The following TRAPPC9 variants were observed in gnomAD, a reference collection of about 807,000 sequenced individuals.
The protein encoded by TRAPPC9 is trafficking protein particle complex subunit 9, also known as IKK2 binding protein.
TRAPPC9 carries 83 observed loss-of-function variants against 124.0 expected under a neutral mutation model. The observed-to-expected ratio is 0.67, with a 90% CI of 0.56 to 0.80. The LOEUF (loss-of-function observed/expected upper bound fraction) is 0.80, where lower values mean the gene tolerates loss of function less well. Among genes scored for constraint, TRAPPC9 ranks in the 30% least tolerant of loss-of-function variants. The probability of loss-of-function intolerance (pLI) is 0.00; values close to 1 mark genes in which losing one functional copy is unlikely to be tolerated. For synonymous variants in TRAPPC9, 638 were observed against 617.5 expected, an observed-to-expected ratio of 1.03 and a Z score of -0.49; for missense variants, 1,302 against 1,508.3, an observed-to-expected ratio of 0.86 and a Z score of 2.27.
At chr8:139,915,119 C>G (rs1832032956) in intron 19 of TRAPPC9, among the ~76,000 whole-genome samples, 1 of 152,000 alleles carries the variant, frequency 6.6e-6, no homozygotes, top group Non-Finnish European at 1.5e-5. Flanking sequence ...CGGGTGTTGG[C>G]GGGAATGGCC....
At position 139,742,341 on chromosome 8, in the gene TRAPPC9, T is replaced by G. The variant is rs1818619584; in HGVS notation, c.3056-10139A>C. Among the ~76,000 whole-genome samples the G allele has an allele frequency of 6.6e-6, 1 of 152,190 alleles. No individual in the cohort carries two copies. Among genetic ancestry groups the G allele is most frequent in the Non-Finnish European group, 1.5e-5 (1 of 68,036 alleles). ...CGCCCCACCAGCCTGGGACAGCTGT[T>G]TGGAATGGCCCTTCTGTGCAGTCCT... On this transcript the variant is annotated intron_variant, in intron 21 of 22. Coordinates refer to ENST00000438773, the MANE Select transcript of TRAPPC9 (RefSeq NM_001160372.4). This position sits in a 1 kb window ranked among gnomAD's most constrained non-coding sequence, Gnocchi z 4.7.
chr8:139,863,219 C>T (rs1828287177), intron 21 of TRAPPC9, among the ~76,000 whole-genome samples: 2 of 152,240 alleles, frequency 1.3e-5, no homozygotes, highest in Non-Finnish European at 2.9e-5. Flanking sequence ...TAGCATGGTG[C>T]CTGATGCACT....
intron 9 of TRAPPC9, among the ~76,000 whole-genome samples, chr8:140,339,955 GTC>G (rs557898082): frequency 0.025 from 3,772 of 151,730 alleles, 61 homozygotes; most frequent in South Asian, 0.073. Flanking sequence ...TGATTCTCCT[GTC>G]TCAGCCTCCC....
In TRAPPC9 at chr8:140,075,490, T is replaced by G. The variant is rs532533407; in HGVS notation, c.2557-51411A>C. Among the ~76,000 whole-genome samples, 49 of 152,290 alleles carry G rather than the reference T, an allele frequency of 3.2e-4. 1 individual carries two copies. The South Asian group carries it at 0.01, about 32-fold the overall frequency. On this transcript the variant is annotated intron_variant, in intron 17 of 22. Coordinates refer to ENST00000438773, the MANE Select transcript of TRAPPC9 (RefSeq NM_001160372.4). The stretch of plus-strand genomic sequence containing the variant: ...CTCCAGCCTGCTTATCGCCACCATG[T>G]GGGATGCAAAGGCACTTATTCCTCC...
chr8:139,803,549 G>T (rs934153390), intron 21 of TRAPPC9, among the ~76,000 whole-genome samples: 8 of 152,228 alleles, frequency 5.3e-5, no homozygotes, highest in African/African-American at 1.4e-4. Context: ...CAGTTGGAGG[G>T]TGTGCACACA....
chr8:140,415,141 T>C (rs1056494847), intron 5 of TRAPPC9, among the ~76,000 whole-genome samples: 16 of 152,102 alleles, frequency 1.1e-4, no homozygotes, highest in Non-Finnish European at 2.1e-4. Flanking sequence ...AGCCCAGGAA[T>C]TCTAGGCTGC....
intron 8 of TRAPPC9, among the ~76,000 whole-genome samples, chr8:140,364,195 A>G (rs1309519839): frequency 1.3e-5 from 2 of 151,816 alleles, no homozygotes; most frequent in Non-Finnish European, 2.9e-5. Context: ...CGGGACAGGA[A>G]AAAAAGAAAA....
At chr8:140,306,492 C>A (rs374804008) in intron 10 of TRAPPC9, among the ~76,000 whole-genome samples, 721 of 115,124 alleles carry the variant, frequency 6.3e-3, no homozygotes, top group South Asian at 0.012. Context: ...GACTCTGTCT[C>A]AAAAAAAAAA....
chr8:139,856,475 CCCA>C (rs2130955496), intron 21 of TRAPPC9, among the ~76,000 whole-genome samples: 1 of 152,272 alleles, frequency 6.6e-6, no homozygotes, highest in Non-Finnish European at 1.5e-5. Context: ...GGGAAGCGAA[CCCA>C]CCAGCTCCCC....
intron 9 of TRAPPC9, among the ~76,000 whole-genome samples, chr8:140,346,961 T>C (rs2067366309): frequency 6.6e-6 from 1 of 151,794 alleles, no homozygotes; most frequent in Non-Finnish European, 1.5e-5. Flanking sequence ...GCACATGGAG[T>C]GATGTCTGAG....
At chr8:139,874,351 G>T (rs1023325154) in intron 21 of TRAPPC9, among the ~76,000 whole-genome samples, 3 of 152,208 alleles carry the variant, frequency 2.0e-5, no homozygotes, top group Non-Finnish European at 4.4e-5. Flanking sequence ...AACCCTTACT[G>T]AGCACCCGCA....
intron 11 of TRAPPC9, among the ~76,000 whole-genome samples, chr8:140,297,349 G>GACACACACACATAC (rs151005396): frequency 0.41 from 61,737 of 151,578 alleles, 13,363 homozygotes; most frequent in African/African-American, 0.54. Context: ...CACATGCATA[G>GACACACACACATAC]ACACACACAC....
chr8:140,050,359 AC>A (rs1374993020), intron 17 of TRAPPC9, among the ~76,000 whole-genome samples: 1 of 152,108 alleles, frequency 6.6e-6, no homozygotes, highest in African/African-American at 2.4e-5. Context: ...TCTGTGGAAA[AC>A]CTACATGCTG....
chr8:139,916,979 G>A (rs1258390791), intron 19 of TRAPPC9, among the ~76,000 whole-genome samples: 1 of 152,132 alleles, frequency 6.6e-6, no homozygotes, highest in African/African-American at 2.4e-5. Context: ...AAAGAAGTAC[G>A]ATGCCAAGTG....
chr8:139,755,873 G>T (rs1819720987), intron 21 of TRAPPC9, among the ~76,000 whole-genome samples: 2 of 140,484 alleles, frequency 1.4e-5, no homozygotes, highest in South Asian at 2.3e-4. Flanking sequence ...CAGGTCGCAG[G>T]AAGAGCCAGG....
At chr8:140,210,852 G>A (rs1288540283) in intron 17 of TRAPPC9, among the ~76,000 whole-genome samples, 2 of 152,224 alleles carry the variant, frequency 1.3e-5, no homozygotes, top group East Asian at 3.8e-4. Context: ...TCAGGCTGCT[G>A]TAAGTGTTCA....
chr8:140,250,772 TA>T (rs1453653889), intron 16 of TRAPPC9, among the ~76,000 whole-genome samples: 3 of 152,094 alleles, frequency 2.0e-5, no homozygotes, highest in Non-Finnish European at 4.4e-5. Context: ...TATTAACTGT[TA>T]TTAATAAAGG....
At chr8:140,360,370 G>T (rs539257589) in intron 8 of TRAPPC9, among the ~76,000 whole-genome samples, 177 bp from the exon 9 acceptor site, 3 of 152,268 alleles carry the variant, frequency 2.0e-5, no homozygotes, top group South Asian at 4.1e-4. Flanking sequence ...TTTAAAGTTG[G>T]CATGGTTTTC....
intron 17 of TRAPPC9, among the ~76,000 whole-genome samples, chr8:140,056,057 T>C (rs1842271291): frequency 6.6e-6 from 1 of 151,884 alleles, no homozygotes. Flanking sequence ...AAAACCAAAA[T>C]AAAGCTGGAG....
Sources: gnomAD v4.1 joint callset for allele counts (sites outside exome capture counted in the v4.1 genomes callset) on GRCh38, gnomAD v4.1.1 for gene constraint, Gnocchi (gnomAD v3.1) non-coding constraint, MANE v1.5 for transcripts, NCBI Gene and HGNC (gene_info 2026-07-23, HGNC 2026-07-21) for gene names.